The following SPON1 variants were observed in gnomAD, a reference collection of about 807,000 sequenced individuals.
The protein encoded by SPON1 is spondin 1.
SPON1 carries 52 observed loss-of-function variants against 111.7 expected under a neutral mutation model. That is an observed-to-expected ratio of 0.47 (90% CI 0.37 to 0.59). The LOEUF is 0.59. Ranked by LOEUF, SPON1 falls within the 20% of genes least tolerant of loss-of-function variation. The pLI, the probability that SPON1 is intolerant of heterozygous loss-of-function variation, is 0.00. For synonymous variants in SPON1, 410 were observed against 395.8 expected, an observed-to-expected ratio of 1.04 and a Z score of -0.43; for missense variants, 957 against 1,068.5, an observed-to-expected ratio of 0.90 and a Z score of 1.46.
intron 6 of SPON1, among the ~76,000 whole-genome samples, chr11:14,162,696 T>G (rs543633341): frequency 6.6e-6 from 1 of 152,222 alleles, no homozygotes. Context: ...ATCTCATCAA[T>G]TTCAAAAGAT....
intron 1 of SPON1, among the ~76,000 whole-genome samples, chr11:13,969,003 A>AACACAAT (rs1220401864): frequency 1.3e-5 from 2 of 152,172 alleles, no homozygotes; most frequent in Non-Finnish European, 2.9e-5. Context: ...GTCATGTAAA[A>AACACAAT]ACACAATATA....
chr11:14,207,613 C>T lies in SPON1; in HGVS notation c.826-35719C>T, dbSNP rs148672418. On this transcript the variant is annotated intron_variant, in intron 6 of 15. Coordinates refer to ENST00000576479, the MANE Select transcript of SPON1 (RefSeq NM_006108.4). Reference sequence around the variant, plus strand: ...CGACTAACAACCATATGAAAAAAAACCTCAACCTCACTGATCATTAGAGAA... The same window carrying T: ...CGACTAACAACCATATGAAAAAAAATCTCAACCTCACTGATCATTAGAGAA... Among the ~76,000 whole-genome samples the T allele has an allele frequency of 7.2e-5, 11 of 152,072 alleles. No individual in the cohort carries two copies. In the East Asian group the frequency reaches 2.1e-3, roughly 29 times the overall value.
At chr11:14,170,169 A>C (rs542016576) in intron 6 of SPON1, among the ~76,000 whole-genome samples, 17 of 152,044 alleles carry the variant, frequency 1.1e-4, no homozygotes, top group African/African-American at 2.4e-4. Context: ...CTTTTATTAC[A>C]TTGAGCAGTG....
intron 6 of SPON1, among the ~76,000 whole-genome samples, chr11:14,196,073 T>C (rs1554935036): frequency 6.6e-6 from 1 of 152,198 alleles, no homozygotes; most frequent in East Asian, 1.9e-4. Context: ...GTAGAGTCTT[T>C]AAAGTAGAAG....
At chr11:13,971,558 GC>G (rs1269279291) in intron 1 of SPON1, among the ~76,000 whole-genome samples, 2 of 151,922 alleles carry the variant, frequency 1.3e-5, no homozygotes, top group Admixed American at 1.3e-4. Context: ...AACTTCCTGG[GC>G]CCCACCCTAA....
At chr11:14,231,554 C>T (rs1476945079) in intron 6 of SPON1, among the ~76,000 whole-genome samples, 2 of 152,170 alleles carry the variant, frequency 1.3e-5, no homozygotes, top group East Asian at 3.8e-4. Context: ...TAGTTCCCTT[C>T]TCCTGAGGCA....
At chr11:14,173,599 C>T (rs1267751883) in intron 6 of SPON1, among the ~76,000 whole-genome samples, 4 of 152,144 alleles carry the variant, frequency 2.6e-5, no homozygotes, top group Non-Finnish European at 5.9e-5. Flanking sequence ...TTTTTCTGCT[C>T]TGTTTTTCCC....
At chr11:13,966,991 A>G (rs1406682872) in intron 1 of SPON1, among the ~76,000 whole-genome samples, 3 of 152,256 alleles carry the variant, frequency 2.0e-5, no homozygotes, top group East Asian at 3.8e-4. Context: ...AAAGCCCTGG[A>G]TAAGATATTG....
chr11:14,263,052 TTAAAAAAAAAAAAAAAA>T (rs1379487313), intron 15 of SPON1, 77 bp downstream of exon 15: 4 of 1,252,636 alleles, frequency 3.2e-6, no homozygotes, highest in Non-Finnish European at 4.2e-6. Context: ...TTGGACCTGT[TTAAAAAAAAAAAAAAAA>T]AAAAAGTCGG....
intron 6 of SPON1, among the ~76,000 whole-genome samples, chr11:14,173,839 C>T (rs565766027): frequency 2.0e-5 from 3 of 152,224 alleles, no homozygotes; most frequent in South Asian, 2.1e-4. Flanking sequence ...TCTGCCTGAT[C>T]GTTCTTCTAG....
chr11:14,207,184 T>C (rs1554936273), intron 6 of SPON1, among the ~76,000 whole-genome samples: 1 of 152,244 alleles, frequency 6.6e-6, no homozygotes, highest in Non-Finnish European at 1.5e-5. Flanking sequence ...GATAGCCATA[T>C]GCAGAAGATT....
chr11:14,143,267 A>G (rs1007309450), intron 6 of SPON1, among the ~76,000 whole-genome samples: 4 of 152,192 alleles, frequency 2.6e-5, no homozygotes, highest in African/African-American at 9.6e-5. Context: ...TTATACTAAG[A>G]AGGGAACTGA....
chr11:14,194,875 C>A (rs1848384223), intron 6 of SPON1, among the ~76,000 whole-genome samples: 1 of 151,804 alleles, frequency 6.6e-6, no homozygotes, highest in African/African-American at 2.4e-5. Flanking sequence ...AAAGGTAAAC[C>A]TAAAGTAAAT....
At chr11:13,982,229 G>A (rs1159902094) in intron 1 of SPON1, among the ~76,000 whole-genome samples, 1 of 152,016 alleles carries the variant, frequency 6.6e-6, no homozygotes, top group African/African-American at 2.4e-5. Flanking sequence ...CATAGGGTTT[G>A]GTACTATCCA....
intron 3 of SPON1, among the ~76,000 whole-genome samples, chr11:14,075,119 G>A (rs1313439703): frequency 2.0e-5 from 3 of 152,074 alleles, no homozygotes; most frequent in Admixed American, 1.3e-4. Flanking sequence ...TGAGTGGAGT[G>A]GTTTCTAGGT....
intron 5 of SPON1, among the ~76,000 whole-genome samples, chr11:14,099,115 G>A (rs188936496): frequency 7.9e-5 from 12 of 152,198 alleles, no homozygotes; most frequent in African/African-American, 2.2e-4. Flanking sequence ...TCAGTTATTG[G>A]TGTATTCAAG....
At chr11:14,016,980 T>C (rs1010620860) in intron 2 of SPON1, among the ~76,000 whole-genome samples, 20 of 152,188 alleles carry the variant, frequency 1.3e-4, no homozygotes, top group Non-Finnish European at 4.4e-5. Flanking sequence ...CAAAGCAGCC[T>C]TTAGGGCCTC....
chr11:14,030,616 A>AT (rs1160056187), intron 2 of SPON1, among the ~76,000 whole-genome samples: 1 of 152,246 alleles, frequency 6.6e-6, no homozygotes, highest in Non-Finnish European at 1.5e-5. Context: ...GCAAAAAGGG[A>AT]TGCTAGTTCA....
intron 15 of SPON1, 83 bp from the exon 16 acceptor site, chr11:14,265,441 C>G: frequency 7.0e-7 from 1 of 1,436,866 alleles, no homozygotes. Flanking sequence ...CCCAGACAAG[C>G]ACATTTCACA....
Sources: gnomAD v4.1 joint callset for allele counts (sites outside exome capture counted in the v4.1 genomes callset) on GRCh38, gnomAD v4.1.1 for gene constraint, MANE v1.5 for transcripts, NCBI Gene and HGNC (gene_info 2026-07-23, HGNC 2026-07-21) for gene names.